ZC3H4: variants seen among roughly 807,000 people sequenced by gnomAD.
ZC3H4 encodes zinc finger CCCH-type containing 4.
ZC3H4 carries 13 observed loss-of-function variants against 108.3 expected under a neutral mutation model. The ratio of observed to expected loss-of-function variants is 0.12; its 90% CI spans 0.08 to 0.19. ZC3H4 has a LOEUF of 0.19. Among genes scored for constraint, ZC3H4 ranks in the 10% least tolerant of loss-of-function variants. The pLI is 1.00. For missense variants in ZC3H4, 1,734 were observed against 1,838.8 expected, an observed-to-expected ratio of 0.94 and a Z score of 1.04; for synonymous variants, 917 against 749.6, an observed-to-expected ratio of 1.22 and a Z score of -3.65.
intron 2 of ZC3H4, among the ~76,000 whole-genome samples, chr19:47,099,046 G>A (rs905837472): frequency 1.3e-5 from 2 of 152,186 alleles, no homozygotes; most frequent in Admixed American, 1.3e-4. Context: ...TTGACATGAG[G>A]AACAGGCACA....
intron 9 of ZC3H4, among the ~76,000 whole-genome samples, chr19:47,082,572 CA>C (rs1461721362): frequency 6.6e-6 from 1 of 152,280 alleles, no homozygotes; most frequent in East Asian, 1.9e-4. Context: ...TTTGGCCTCC[CA>C]AAGCGCTGGG....
intron 3 of ZC3H4, 61 bp downstream of exon 3, chr19:47,094,328 C>T (rs1600088332): frequency 6.3e-7 from 1 of 1,589,474 alleles, no homozygotes; most frequent in South Asian, 1.1e-5. Flanking sequence ...AGCTCAGCCC[C>T]TGGGGCTCTC....
At chr19:47,078,838 G>C (rs558504628) in intron 11 of ZC3H4, among the ~76,000 whole-genome samples, 1 of 151,872 alleles carries the variant, frequency 6.6e-6, no homozygotes, top group East Asian at 2.0e-4. Context: ...CAGCCTGGGC[G>C]AAAGAGTGAA....
chr19:47,102,550 G>T (rs1334005537), intron 2 of ZC3H4, among the ~76,000 whole-genome samples: 4 of 152,124 alleles, frequency 2.6e-5, no homozygotes, highest in African/African-American at 9.7e-5. Flanking sequence ...TCCCCAGGAT[G>T]GTGTCATGGG....
intron 2 of ZC3H4, chr19:47,110,842 A>G: frequency 4.4e-6 from 4 of 907,724 alleles, no homozygotes; most frequent in Non-Finnish European, 5.3e-6. Context: ...GATTCCCAGG[A>G]CGATACATTT....
Position 47,066,767 on chromosome 19 carries a change from C to G in ZC3H4, c.3501G>C (p.Thr1167=). ...CCTCAGCACCCTTGGGCTGGGCACC[C>G]GTGTCAGCAGCCGGCTCTGTGGCTT... ...GGKATEPAAD[T]GAQPKGAEGN... Residue 1167 remains threonine, a synonymous_variant, in exon 15 of 15, where the codon ACG becomes ACC. Coordinates refer to ENST00000253048, the MANE Select transcript of ZC3H4 (RefSeq NM_015168.2). 2 of 1,602,986 alleles carry G rather than the reference C, an allele frequency of 1.2e-6. No homozygotes were observed. The highest frequency in any genetic ancestry group is 1.7e-6 in the Non-Finnish European group (2 of 1,178,178).
chr19:47,081,392 A>G, intron 11 of ZC3H4, 121 bp downstream of exon 11: 2 of 762,122 alleles, frequency 2.6e-6, no homozygotes, highest in Non-Finnish European at 2.3e-6. Context: ...AGAATGGCCC[A>G]ATTCCAGATC....
chr19:47,076,522 T>C (rs1205152891), intron 11 of ZC3H4, among the ~76,000 whole-genome samples: 1 of 152,152 alleles, frequency 6.6e-6, no homozygotes, highest in Non-Finnish European at 1.5e-5. Context: ...CCTAGATCCA[T>C]CTTGTGGGGT....
chr19:47,103,610 C>G (rs908240183), intron 2 of ZC3H4, among the ~76,000 whole-genome samples: 2 of 151,972 alleles, frequency 1.3e-5, no homozygotes, highest in South Asian at 2.1e-4. Context: ...ATGGTAAAAC[C>G]CTGTCTCCAC....
chr19:47,092,068 G>C (rs1229641085), intron 4 of ZC3H4, among the ~76,000 whole-genome samples: 1 of 151,924 alleles, frequency 6.6e-6, no homozygotes. Flanking sequence ...AATTAGCCTT[G>C]GCGTTATGGC....
intron 11 of ZC3H4, among the ~76,000 whole-genome samples, chr19:47,078,718 G>A (rs1338944023): frequency 6.6e-6 from 1 of 152,084 alleles, no homozygotes; most frequent in Non-Finnish European, 1.5e-5. Flanking sequence ...AACTCAGCTG[G>A]GCATGGTGGC....
rs774340043 is a variant in ZC3H4, at chr19:47,094,054, G to A, written c.408C>T (p.Phe136=). ...AATCCGAGTCATCTGAGAAGTCAGA[G>A]AAGTCATCGCTAGAAGAAGCATGGC... ...HKRHASSSDD[F]SDFSDDSDFS... is the part of the protein sequence containing the mutation. Residue 136 remains phenylalanine (F), a synonymous_variant, in exon 4 of 15, where the codon TTC becomes TTT. Coordinates refer to ENST00000253048, the MANE Select transcript of ZC3H4 (RefSeq NM_015168.2). 3 of 1,614,094 alleles carry A rather than the reference G, an allele frequency of 1.9e-6. No individual in the cohort carries two copies. The highest frequency in any genetic ancestry group is 2.7e-5 in the African/African-American group (2 of 74,942).
Position 47,067,698 on chromosome 19 carries a change from C to A in ZC3H4, c.2570G>T (p.Ser857Ile). The change falls in exon 15 of 15, where the codon AGC becomes ATC. Residue 857 changes from serine (S) to isoleucine (I), a missense_variant. Ser to Ile is a moderately radical substitution (Grantham distance 142, BLOSUM62 -2). Transcript: ENST00000253048. The surrounding 1 kb of genome is among the most constrained non-coding windows in gnomAD (Gnocchi z 6.4). ...GCTGAGGCGAGGGTCAGCCAGCCGG[C>A]TTCCTGTGGGGTGTCCCTTCTGGAG... The part of the protein sequence containing the change: ...PRLQKGHPTG[S>I]RLADPRLSRD... 6.2e-7 allele frequency: 1 copy of A among 1,602,822 alleles called. No homozygotes were observed.
intron 11 of ZC3H4, among the ~76,000 whole-genome samples, chr19:47,081,125 C>T (rs2057514496): frequency 6.6e-6 from 1 of 152,130 alleles, no homozygotes; most frequent in South Asian, 2.1e-4. Flanking sequence ...GTCTTGAACT[C>T]CTGAGCTCAA....
intron 9 of ZC3H4, 35 bp from the exon 10 acceptor site, chr19:47,082,330 C>T (rs1208221116): frequency 5.3e-6 from 8 of 1,509,332 alleles, no homozygotes; most frequent in Non-Finnish European, 7.4e-6. Flanking sequence ...AAGGTGGTGG[C>T]GTGGGAAGCT....
chr19:47,113,037 G>A (rs963145769), intron 1 of ZC3H4, among the ~76,000 whole-genome samples: 1 of 152,258 alleles, frequency 6.6e-6, no homozygotes, highest in South Asian at 2.1e-4. Context: ...CGCGGAGACG[G>A]GCCGACTGTC....
At chr19:47,112,667 G>A in intron 1 of ZC3H4, 78 bp from the exon 2 acceptor site, 3 of 920,948 alleles carry the variant, frequency 3.3e-6, no homozygotes, top group South Asian at 5.5e-5. Context: ...AAGCTCGGAG[G>A]GCTCCTGATG....
chr19:47,069,383 C>T, intron 13 of ZC3H4, 40 bp from the exon 14 acceptor site: 1 of 1,590,862 alleles, frequency 6.3e-7, no homozygotes, highest in Non-Finnish European at 8.5e-7. Context: ...TCGGGAAGGG[C>T]CTCCAGGTGC....
chr19:47,074,742 G>A (rs1453498564), intron 11 of ZC3H4, among the ~76,000 whole-genome samples: 1 of 152,248 alleles, frequency 6.6e-6, no homozygotes, highest in Non-Finnish European at 1.5e-5. Flanking sequence ...CCTGGGCGCT[G>A]AGCAAGTCTC....
Sources: gnomAD v4.1 joint callset for allele counts (sites outside exome capture counted in the v4.1 genomes callset) on GRCh38, gnomAD v4.1.1 for gene constraint, Gnocchi (gnomAD v3.1) non-coding constraint, MANE v1.5 for transcripts, NCBI Gene and HGNC (gene_info 2026-07-23, HGNC 2026-07-21) for gene names.